Variants in DCC observed in about 807,000 individuals in gnomAD.
DCC encodes DCC netrin 1 receptor, also known as netrin receptor DCC.
A neutral mutation model predicts 172.5 loss-of-function variants in DCC; 58 were observed. The ratio of observed to expected loss-of-function variants is 0.34; its 90% confidence interval spans 0.27 to 0.42. The LOEUF (loss-of-function observed/expected upper bound fraction) is 0.42, where lower values mean the gene tolerates loss of function less well. Among genes scored for constraint, DCC ranks in the 10% least tolerant of loss-of-function variants. The pLI is 1.00. For synonymous variants in DCC, 709 were observed against 644.5 expected, an observed-to-expected ratio of 1.10 and a Z score of -1.52; for missense variants, 1,740 against 1,791.0, an observed-to-expected ratio of 0.97 and a Z score of 0.51.
intron 5 of DCC, among the ~76,000 whole-genome samples, chr18:53,011,366 A>G (rs1185079635): frequency 6.6e-6 from 1 of 151,614 alleles, no homozygotes; most frequent in Non-Finnish European, 1.5e-5. Context: ...ATATAACCCC[A>G]TATTTTTTAG....
chr18:53,166,555 T>C (rs1231418138), intron 8 of DCC, among the ~76,000 whole-genome samples: 1 of 152,142 alleles, frequency 6.6e-6, no homozygotes, highest in African/African-American at 2.4e-5. Context: ...GAAATCAAAA[T>C]CTGTTTCACC....
chr18:52,799,514 C>A (rs1475838966), intron 2 of DCC, among the ~76,000 whole-genome samples: 1 of 152,020 alleles, frequency 6.6e-6, no homozygotes, highest in East Asian at 1.9e-4. Flanking sequence ...AATTGAAAAC[C>A]AGGTCAGTCT....
At chr18:52,996,104 T>A (rs377287894) in intron 5 of DCC, among the ~76,000 whole-genome samples, 1 of 152,068 alleles carries the variant, frequency 6.6e-6, no homozygotes, top group East Asian at 1.9e-4. Flanking sequence ...ACAAGAAGAC[T>A]ACGTCATTAG....
intron 5 of DCC, among the ~76,000 whole-genome samples, chr18:52,968,137 C>A (rs1356418212): frequency 6.6e-6 from 1 of 152,090 alleles, no homozygotes; most frequent in Non-Finnish European, 1.5e-5. Flanking sequence ...AATTTAATAA[C>A]GCAAAGTTCC....
intron 2 of DCC, among the ~76,000 whole-genome samples, chr18:52,817,928 T>C (rs1242500830): frequency 1.3e-5 from 2 of 152,220 alleles, no homozygotes; most frequent in Admixed American, 1.3e-4. Flanking sequence ...TTGCATACTA[T>C]GCTAAGTGGA....
chr18:52,679,690 C>T (rs190302280), intron 1 of DCC, among the ~76,000 whole-genome samples: 20 of 152,228 alleles, frequency 1.3e-4, no homozygotes, highest in African/African-American at 4.3e-4. Context: ...ATGAAACTTC[C>T]TGGCAGTTTC....
rs557386486 is a variant in DCC, at chr18:53,492,696, T to C, written c.3898+5738T>C. Among the ~76,000 whole-genome samples the C allele has an allele frequency of 1.5e-3, 235 of 152,328 alleles. 2 individuals carry two copies. The highest frequency in any genetic ancestry group is 5.5e-3 in the African/African-American group (229 of 41,566). On this transcript the variant is annotated intron_variant, in intron 26 of 28. Transcript: ENST00000442544. Reference sequence around the variant, plus strand: ...GTTTTGGTACCAGTACCATGCTGTTTTGGTTACTGTAGCCTTGTAGAATAT... The same window carrying C: ...GTTTTGGTACCAGTACCATGCTGTTCTGGTTACTGTAGCCTTGTAGAATAT...
chr18:53,366,366 T>C (rs1447432219), intron 15 of DCC, among the ~76,000 whole-genome samples: 2 of 152,194 alleles, frequency 1.3e-5, no homozygotes, highest in East Asian at 3.9e-4. Context: ...GTTAATATCA[T>C]TTTTTTACCT....
intron 25 of DCC, among the ~76,000 whole-genome samples, chr18:53,477,991 C>CA (rs920620155): frequency 1.3e-5 from 2 of 152,078 alleles, no homozygotes; most frequent in African/African-American, 2.4e-5. Flanking sequence ...AAATTAATTA[C>CA]AAAAAAGTCA....
At chr18:52,402,068 A>T (rs546672629) in intron 1 of DCC, among the ~76,000 whole-genome samples, 2 of 151,990 alleles carry the variant, frequency 1.3e-5, no homozygotes, top group African/African-American at 4.8e-5. Context: ...ATTACTTGTC[A>T]AGGGTTGCAT....
intron 1 of DCC, among the ~76,000 whole-genome samples, chr18:52,380,383 A>G (rs907089170): frequency 6.6e-6 from 1 of 152,142 alleles, no homozygotes; most frequent in African/African-American, 2.4e-5. Context: ...TTAGTATACC[A>G]TCTTACCAGT....
At chr18:52,996,701 A>G (rs2041485223) in intron 5 of DCC, among the ~76,000 whole-genome samples, 1 of 151,974 alleles carries the variant, frequency 6.6e-6, no homozygotes, top group African/African-American at 2.4e-5. Context: ...ATGCTTTGAA[A>G]AAATAAGTTC....
intron 1 of DCC, among the ~76,000 whole-genome samples, chr18:52,661,879 A>G (rs899122684): frequency 1.6e-4 from 25 of 152,362 alleles, no homozygotes; most frequent in Non-Finnish European, 3.1e-4. Flanking sequence ...TCATATAGTA[A>G]GAACAGGTAG....
intron 2 of DCC, among the ~76,000 whole-genome samples, chr18:52,882,165 G>T (rs978747522): frequency 1.3e-5 from 2 of 151,968 alleles, no homozygotes; most frequent in Non-Finnish European, 2.9e-5. Context: ...TACTGAATGT[G>T]TTTATCAGTT....
intron 2 of DCC, among the ~76,000 whole-genome samples, chr18:52,789,292 G>T (rs1050125380): frequency 5.9e-5 from 9 of 152,008 alleles, no homozygotes; most frequent in Admixed American, 5.2e-4. Context: ...TGTCACCTCT[G>T]TTTTTTTCCC....
At chr18:52,946,996 T>TACTCA (rs989356979) in intron 5 of DCC, among the ~76,000 whole-genome samples, 1 of 138,180 alleles carries the variant, frequency 7.2e-6, no homozygotes, top group African/African-American at 2.6e-5. Flanking sequence ...ATGGCTCACC[T>TACTCA]ACTCACCTCA....
intron 5 of DCC, among the ~76,000 whole-genome samples, chr18:52,967,601 G>C (rs911213973): frequency 1.3e-5 from 2 of 152,052 alleles, no homozygotes; most frequent in African/African-American, 4.8e-5. Flanking sequence ...TACAGTGTCT[G>C]TCTCTCTCTT....
intron 12 of DCC, among the ~76,000 whole-genome samples, chr18:53,240,916 G>T (rs998164143): frequency 1.3e-5 from 2 of 152,114 alleles, no homozygotes; most frequent in Non-Finnish European, 2.9e-5. Flanking sequence ...TGTACTGTTT[G>T]CATATTGTTT....
intron 1 of DCC, among the ~76,000 whole-genome samples, chr18:52,346,600 C>A (rs1313059957): frequency 1.3e-5 from 2 of 152,074 alleles, no homozygotes; most frequent in Non-Finnish European, 2.9e-5. Flanking sequence ...AATATGCCTT[C>A]TTTTTCAATA....
Sources: allele counts gnomAD v4.1 joint callset (sites outside exome capture counted in the v4.1 genomes callset), GRCh38; gene constraint gnomAD v4.1.1; transcripts MANE v1.5; gene names NCBI Gene and HGNC (gene_info 2026-07-23, HGNC 2026-07-21).